SMG1: variants seen among roughly 807,000 people sequenced by gnomAD.
SMG1 encodes the protein serine/threonine-protein kinase SMG1.
In SMG1, 22 loss-of-function variants were observed where a neutral mutation model predicts 419.9. The ratio of observed to expected loss-of-function variants is 0.05; its 90% confidence interval spans 0.04 to 0.07. The LOEUF is 0.07. Ranked by LOEUF, SMG1 falls within the 10% of genes least tolerant of loss-of-function variation. SMG1 has a pLI of 1.00. For synonymous variants in SMG1, 1,538 were observed against 1,553.5 expected, an observed-to-expected ratio of 0.99 and a Z score of 0.23; for missense variants, 3,185 against 4,342.0, an observed-to-expected ratio of 0.73 and a Z score of 7.49.
intron 51 of SMG1, 71 bp from the exon 52 acceptor site, chr16:18,830,440 G>A: frequency 1.3e-6 from 2 of 1,510,930 alleles, no homozygotes. Context: ...TACAAAGTCA[G>A]TACATCTCAC....
chr16:18,916,513 C>CAAAAAAAAAAAAA (rs59985733), intron 1 of SMG1, among the ~76,000 whole-genome samples: 2 of 68,926 alleles, frequency 2.9e-5, no homozygotes, highest in Non-Finnish European at 5.4e-5. Context: ...GACTCCATCT[C>CAAAAAAAAAAAAA]AAAAAAAAAA....
chr16:18,864,186 ACTT>A, intron 23 of SMG1, 42 bp from the exon 24 acceptor site: 3 of 912,764 alleles, frequency 3.3e-6, no homozygotes, highest in Non-Finnish European at 4.3e-6. Context: ...TTATCTACTT[ACTT>A]TTTTTTTTTT....
chr16:18,835,622 T>C lies in SMG1; in HGVS notation c.8057+311A>G, dbSNP rs543777879. On this transcript the variant is annotated intron_variant, in intron 48 of 62. Coordinates refer to ENST00000446231, the MANE Select transcript of SMG1 (RefSeq NM_015092.5). The stretch of plus-strand genomic sequence containing the variant: ...CTTCCACTCCCAATAAGAAATACAA[T>C]TGGCCAGGCGCAGTGGCTCACGCCT... 7.9e-5 allele frequency among the ~76,000 whole-genome samples: 12 copies of C among 151,982 alleles called. No individual in the cohort carries two copies. In the South Asian group the frequency reaches 2.1e-3, roughly 26 times the overall value.
intron 27 of SMG1, 182 bp from the exon 28 acceptor site, chr16:18,859,363 AT>A: frequency 1.5e-6 from 1 of 689,010 alleles, no homozygotes; most frequent in Non-Finnish European, 2.4e-6. Flanking sequence ...GGATTTTTAC[AT>A]TTTATTTCAT....
intron 1 of SMG1, among the ~76,000 whole-genome samples, chr16:18,905,606 CTTCAT>C (rs200412483): frequency 0.044 from 6,346 of 145,264 alleles, 163 homozygotes; most frequent in Non-Finnish European, 0.064. Context: ...TCTCCTCCTT[CTTCAT>C]TTCATTTTTT....
intron 40 of SMG1, 65 bp downstream of exon 40, chr16:18,842,143 C>T (rs1195454982): frequency 6.6e-7 from 1 of 1,510,774 alleles, no homozygotes; most frequent in African/African-American, 1.4e-5. Context: ...TACACACCCA[C>T]ACTCACACAA....
chr16:18,842,494 T>TA, intron 39 of SMG1, 40 bp from the exon 40 acceptor site: 2 of 1,581,382 alleles, frequency 1.3e-6, no homozygotes, highest in Non-Finnish European at 1.7e-6. Flanking sequence ...TACATTACAT[T>TA]AGAACACTTA....
At position 18,836,548 on chromosome 16, in the gene SMG1, C is replaced by A. The variant is rs752244299; in HGVS notation, c.7605-16G>T. The A allele has an allele frequency of 4.3e-6, 7 of 1,610,176 alleles. No individual in the cohort carries two copies. Among genetic ancestry groups the A allele is most frequent in the African/African-American group, 1.3e-5 (1 of 74,720 alleles). ...CTCAGAATACCTAATCAGGGGGACA[C>A]AAACAAAATCAAAAGATTTATTGCT... On this transcript the variant is annotated splice_polypyrimidine_tract_variant and intron_variant, in intron 46 of 62. Transcript: ENST00000446231.
At chr16:18,811,030 A>C (rs1437180003) in intron 62 of SMG1, among the ~76,000 whole-genome samples, 2 of 152,184 alleles carry the variant, frequency 1.3e-5, no homozygotes, top group East Asian at 3.8e-4. Flanking sequence ...TAATGAAAAA[A>C]TTTCAGAATA....
chr16:18,895,886 T>G (rs964271348), intron 3 of SMG1, among the ~76,000 whole-genome samples, 166 bp downstream of exon 3: 1 of 152,248 alleles, frequency 6.6e-6, no homozygotes, highest in Admixed American at 6.5e-5. Flanking sequence ...TCTTTTAAAA[T>G]GTACTATAAC....
chr16:18,924,245 T>C (rs1038871946), intron 1 of SMG1, among the ~76,000 whole-genome samples: 2 of 152,220 alleles, frequency 1.3e-5, no homozygotes, highest in Non-Finnish European at 2.9e-5. Context: ...ATAGCTCATG[T>C]ACATATTCCA....
chr16:18,880,858 C>G (rs973770772), intron 10 of SMG1, among the ~76,000 whole-genome samples: 2 of 151,366 alleles, frequency 1.3e-5, no homozygotes, highest in African/African-American at 2.4e-5. Context: ...ACACTGAGAC[C>G]CCATCTCTAC....
intron 56 of SMG1, among the ~76,000 whole-genome samples, 155 bp from the exon 57 acceptor site, chr16:18,817,625 T>C (rs957972541): frequency 6.6e-6 from 1 of 152,156 alleles, no homozygotes; most frequent in Non-Finnish European, 1.5e-5. Flanking sequence ...CAAAACCTTA[T>C]AAAGGCTGTA....
intron 23 of SMG1, 41 bp downstream of exon 23, chr16:18,866,574 TTAAACA>T: frequency 2.6e-6 from 4 of 1,557,052 alleles, no homozygotes; most frequent in East Asian, 2.2e-5. Context: ...TACACAGAAC[TTAAACA>T]TAAAGTAATT....
intron 1 of SMG1, among the ~76,000 whole-genome samples, chr16:18,916,363 A>T (rs1001895563): frequency 6.6e-6 from 1 of 151,378 alleles, no homozygotes; most frequent in Admixed American, 6.6e-5. Context: ...AAAATACAAA[A>T]AATTAGCTGG....
intron 2 of SMG1, among the ~76,000 whole-genome samples, chr16:18,896,498 T>C (rs2037133680): frequency 6.6e-6 from 1 of 152,206 alleles, no homozygotes; most frequent in African/African-American, 2.4e-5. Context: ...TTAGAGATAG[T>C]AGCCAAGAGG....
At chr16:18,867,724 T>C (rs796377666) in intron 22 of SMG1, among the ~76,000 whole-genome samples, 19 of 103,332 alleles carry the variant, frequency 1.8e-4, no homozygotes, top group African/African-American at 3.3e-4. Flanking sequence ...TTTTTTTTTT[T>C]CTGAGGCGGA....
rs1302962375 is a variant in SMG1, at chr16:18,829,652, G to T, written c.9237C>A (p.Ala3079=). 5 of 1,613,834 alleles carry T rather than the reference G, an allele frequency of 3.1e-6. No individual in the cohort carries two copies. The African/African-American group carries it at 5.3e-5, about 17-fold the overall frequency. The change falls in exon 54 of 63, where the codon GCC becomes GCA. Residue 3079 remains alanine (A), a synonymous_variant. Coordinates refer to ENST00000446231, the MANE Select transcript of SMG1 (RefSeq NM_015092.5). ...CAGCTGTGAATGCCTTGATAGGTTT[G>T]GCCATTTGGTCTTCACTGAAACAAG... ...RNSCFSEDQM[A]KPIKAFTADF... is the part of the protein sequence containing the mutation.
intron 1 of SMG1, among the ~76,000 whole-genome samples, chr16:18,920,042 G>A (rs983424933): frequency 9.9e-5 from 15 of 151,846 alleles, no homozygotes; most frequent in African/African-American, 3.1e-4. Flanking sequence ...ACTGAGCCAA[G>A]ATCGTGCCAC....
Sources: allele counts gnomAD v4.1 joint callset (sites outside exome capture counted in the v4.1 genomes callset), GRCh38; gene constraint gnomAD v4.1.1; transcripts MANE v1.5; gene names NCBI Gene and HGNC (gene_info 2026-07-23, HGNC 2026-07-21).